Variants in NR1H4 observed in about 807,000 individuals in gnomAD.
NR1H4 encodes the protein nuclear receptor subfamily 1 group H member 4.
In NR1H4, 23 loss-of-function variants were observed where a neutral mutation model predicts 58.5. The observed-to-expected ratio is 0.39, with a 90% CI of 0.28 to 0.56. The LOEUF is 0.56. Among genes scored for constraint, NR1H4 ranks in the 20% least tolerant of loss-of-function variants. The pLI is 0.58. For synonymous variants in NR1H4, 214 were observed against 198.0 expected, an observed-to-expected ratio of 1.08 and a Z score of -0.68; for missense variants, 487 against 576.9, an observed-to-expected ratio of 0.84 and a Z score of 1.60.
In NR1H4 at chr12:100,536,748, T is replaced by C. The variant is rs918482863; in HGVS notation, c.831+138T>C. ...GAGAATTCAAGTTAGACTTTTAAAC[T>C]CTCAGCAACATTAAACAATTCAAGA... On this transcript the variant is annotated intron_variant, in intron 7 of 10. Coordinates refer to ENST00000392986, the MANE Select transcript of NR1H4 (RefSeq NM_001206979.2). The C allele has an allele frequency of 7.3e-6, 5 of 686,724 alleles. No individual in the cohort carries two copies. The Admixed American group carries it at 1.3e-4, about 18-fold the overall frequency. 42.5% of individuals were successfully genotyped at this position (686,724 alleles called of 1,614,324 possible).
At chr12:100,509,923 A>G (rs937251735) in intron 3 of NR1H4, among the ~76,000 whole-genome samples, 2 of 152,182 alleles carry the variant, frequency 1.3e-5, no homozygotes, top group African/African-American at 2.4e-5. Context: ...GCGCACACAC[A>G]CACACACACA....
intron 1 of NR1H4, among the ~76,000 whole-genome samples, chr12:100,492,191 C>T (rs1472983961): frequency 3.9e-5 from 6 of 152,212 alleles, no homozygotes; most frequent in South Asian, 2.1e-4. Flanking sequence ...TTCTGGTGGA[C>T]GACTTTCCCA....
intron 3 of NR1H4, among the ~76,000 whole-genome samples, chr12:100,502,370 G>C (rs1052472132): frequency 1.3e-5 from 2 of 152,100 alleles, no homozygotes; most frequent in African/African-American, 4.8e-5. Flanking sequence ...GTGTCAGCAG[G>C]GTTAGCTCTT....
chr12:100,533,560 G>T (rs1425978415), intron 5 of NR1H4, among the ~76,000 whole-genome samples: 2 of 152,170 alleles, frequency 1.3e-5, no homozygotes, highest in Non-Finnish European at 2.9e-5. Context: ...TACATGAAAT[G>T]AGAACCTGCA....
intron 1 of NR1H4, among the ~76,000 whole-genome samples, chr12:100,490,671 TATATG>T (rs1378519729): frequency 6.6e-6 from 1 of 152,234 alleles, no homozygotes; most frequent in Non-Finnish European, 1.5e-5. Flanking sequence ...TCATGATTCA[TATATG>T]TATTCATATA....
At chr12:100,480,400 C>A (rs1278777689) in intron 1 of NR1H4, among the ~76,000 whole-genome samples, 3 of 152,128 alleles carry the variant, frequency 2.0e-5, no homozygotes, top group African/African-American at 7.2e-5. Flanking sequence ...GCTAAAGAGA[C>A]CAACTGACAC....
intron 1 of NR1H4, 61 bp downstream of exon 1, chr12:100,474,120 T>A (rs1379113393): frequency 6.6e-6 from 1 of 152,136 alleles, no homozygotes; most frequent in African/African-American, 2.4e-5. Context: ...GAAAAAATAG[T>A]CACTTAAAAG....
chr12:100,543,791 G>A (rs1011236280), intron 9 of NR1H4, among the ~76,000 whole-genome samples: 5 of 152,196 alleles, frequency 3.3e-5, no homozygotes, highest in African/African-American at 1.2e-4. Context: ...TAAAGGACAG[G>A]CTGAATTTTC....
At chr12:100,498,817 A>G (rs1315881112) in intron 3 of NR1H4, among the ~76,000 whole-genome samples, 3 of 152,198 alleles carry the variant, frequency 2.0e-5, no homozygotes, top group Non-Finnish European at 4.4e-5. Context: ...AAGTGTCAGG[A>G]GGTAGATCCT....
intron 1 of NR1H4, among the ~76,000 whole-genome samples, chr12:100,491,251 C>T (rs960687075): frequency 2.0e-5 from 3 of 151,990 alleles, no homozygotes; most frequent in Non-Finnish European, 4.4e-5. Context: ...CATTTTGTGT[C>T]CATGGGGCAG....
intron 1 of NR1H4, among the ~76,000 whole-genome samples, chr12:100,487,730 G>C (rs967013014): frequency 1.3e-5 from 2 of 151,316 alleles, no homozygotes; most frequent in African/African-American, 4.9e-5. Flanking sequence ...TCCTGCCTCA[G>C]CCTCCTGAGT....
At chr12:100,551,813 A>C (rs1053265032) in intron 9 of NR1H4, among the ~76,000 whole-genome samples, 1 of 152,214 alleles carries the variant, frequency 6.6e-6, no homozygotes, top group Non-Finnish European at 1.5e-5. Context: ...TGGCTGCTCA[A>C]GTCCCTGATA....
chr12:100,543,738 T>C (rs1399335993), intron 9 of NR1H4, among the ~76,000 whole-genome samples: 1 of 152,152 alleles, frequency 6.6e-6, no homozygotes, highest in Non-Finnish European at 1.5e-5. Context: ...ATCCTGATTT[T>C]AAAGCCATAA....
intron 3 of NR1H4, among the ~76,000 whole-genome samples, chr12:100,495,438 C>G (rs1401481053): frequency 6.6e-6 from 1 of 152,082 alleles, no homozygotes; most frequent in African/African-American, 2.4e-5. Flanking sequence ...CTTCACTTAA[C>G]ACATCTGAGC....
At chr12:100,489,838 C>CT (rs947185136) in intron 1 of NR1H4, among the ~76,000 whole-genome samples, 3 of 151,266 alleles carry the variant, frequency 2.0e-5, no homozygotes, top group Admixed American at 6.6e-5. Context: ...AATTTAGTTT[C>CT]TTTTTTTTTA....
intron 9 of NR1H4, among the ~76,000 whole-genome samples, chr12:100,554,665 CAA>C (rs1232842649): frequency 2.0e-5 from 3 of 152,056 alleles, no homozygotes; most frequent in African/African-American, 7.2e-5. Flanking sequence ...TTTTCCATGG[CAA>C]AGTCTTTGGT....
Position 100,511,068 on chromosome 12 carries a change from G to C in NR1H4, c.370G>C (p.Asp124His). ...CGCGTCAGCAGGGAGGATCAAAGGG[G>C]ATGAGCTGTGTGTTGTTTGTGGAGA... is the stretch of plus-strand genomic sequence containing the variant. ...MGASAGRIKG[D>H]ELCVVCGDRA... is the part of the protein sequence containing the mutation. Residue 124 changes from aspartate to histidine, a missense_variant, in exon 4 of 11, where the codon GAT becomes CAT. Physicochemically the swap from Asp to His is moderately conservative, Grantham distance 81. Coordinates refer to ENST00000392986, the MANE Select transcript of NR1H4 (RefSeq NM_001206979.2). The C allele has an allele frequency of 1.9e-6, 3 of 1,614,268 alleles. No individual in the cohort carries two copies. Among genetic ancestry groups the C allele is most frequent in the Non-Finnish European group, 2.5e-6 (3 of 1,180,046 alleles).
intron 9 of NR1H4, among the ~76,000 whole-genome samples, chr12:100,560,979 G>C (rs76091959): frequency 6.6e-6 from 1 of 152,222 alleles, no homozygotes; most frequent in East Asian, 1.9e-4. Context: ...GGAGAAACGT[G>C]GGGGAGCTTA....
At chr12:100,504,172 C>T (rs762248885) in intron 3 of NR1H4, among the ~76,000 whole-genome samples, 1 of 152,136 alleles carries the variant, frequency 6.6e-6, no homozygotes, top group Non-Finnish European at 1.5e-5. Context: ...GAGCTTTAGG[C>T]CCAGGCTCTT....
Sources: allele counts gnomAD v4.1 joint callset (sites outside exome capture counted in the v4.1 genomes callset), GRCh38; gene constraint gnomAD v4.1.1; transcripts MANE v1.5; gene names NCBI Gene and HGNC (gene_info 2026-07-23, HGNC 2026-07-21).